The following DLGAP1 variants were observed in gnomAD, a reference collection of about 807,000 sequenced individuals.
The protein encoded by DLGAP1 is disks large-associated protein 1.
A neutral mutation model predicts 90.8 loss-of-function variants in DLGAP1; 11 were observed. That is an observed-to-expected ratio of 0.12 (90% CI 0.08 to 0.20). The LOEUF is 0.20. Among genes scored for constraint, DLGAP1 ranks in the 10% least tolerant of loss-of-function variants. The probability of loss-of-function intolerance (pLI) is 1.00; values close to 1 mark genes in which losing one functional copy is unlikely to be tolerated. For missense variants in DLGAP1, 1,050 were observed against 1,333.8 expected, an observed-to-expected ratio of 0.79 and a Z score of 3.31; for synonymous variants, 558 against 540.7, an observed-to-expected ratio of 1.03 and a Z score of -0.44.
intron 3 of DLGAP1, chr18:3,894,587 C>CTTGTAGTATAA (rs1216834585): frequency 6.6e-6 from 1 of 152,008 alleles, no homozygotes; most frequent in African/African-American, 2.4e-5. Context: ...TTACTATAGC[C>CTTGTAGTATAA]TTGTAGTATA....
At chr18:4,405,979 A>G (rs923713269) in intron 1 of DLGAP1, among the ~76,000 whole-genome samples, 4 of 152,248 alleles carry the variant, frequency 2.6e-5, no homozygotes, top group Non-Finnish European at 5.9e-5. Context: ...GCTCAGCTCA[A>G]GAGCCCTGGT....
chr18:3,995,696 G>A (rs2074055037), intron 3 of DLGAP1: 1 of 150,248 alleles, frequency 6.7e-6, no homozygotes. Context: ...GCCCCCTAGT[G>A]TTCTCTCGCT....
intron 2 of DLGAP1, among the ~76,000 whole-genome samples, chr18:4,029,822 C>T (rs1160632825): frequency 6.6e-6 from 1 of 152,122 alleles, no homozygotes; most frequent in Non-Finnish European, 1.5e-5. Flanking sequence ...TCATTTATCA[C>T]CTTCTCAGTA....
At chr18:4,268,763 T>C (rs2145332425) in intron 1 of DLGAP1, among the ~76,000 whole-genome samples, 1 of 152,296 alleles carries the variant, frequency 6.6e-6, no homozygotes, top group South Asian at 2.1e-4. Context: ...ACTTCAAAGA[T>C]AATAGATTTC....
intron 1 of DLGAP1, among the ~76,000 whole-genome samples, chr18:4,192,646 C>G (rs2077423036): frequency 6.6e-6 from 1 of 152,130 alleles, no homozygotes; most frequent in Non-Finnish European, 1.5e-5. Context: ...GAGGGATTAA[C>G]ATTAAAGTCA....
chr18:4,188,197 ACT>A (rs1255818633), intron 1 of DLGAP1, among the ~76,000 whole-genome samples: 2 of 150,984 alleles, frequency 1.3e-5, no homozygotes, highest in African/African-American at 4.9e-5. Flanking sequence ...TCATCTTAAA[ACT>A]CTGTCATTAC....
At chr18:3,945,685 T>C (rs1410276169) in intron 3 of DLGAP1, among the ~76,000 whole-genome samples, 1 of 152,164 alleles carries the variant, frequency 6.6e-6, no homozygotes, top group Non-Finnish European at 1.5e-5. Context: ...TAATGCTAGA[T>C]GATGAGTTAG....
chr18:3,651,467 T>C (rs1411298346), intron 7 of DLGAP1, among the ~76,000 whole-genome samples: 1 of 152,104 alleles, frequency 6.6e-6, no homozygotes, highest in African/African-American at 2.4e-5. Context: ...CAGTCTACCT[T>C]GACACGCTGA....
chr18:3,786,797 C>T (rs2065469232), intron 5 of DLGAP1, among the ~76,000 whole-genome samples: 1 of 152,140 alleles, frequency 6.6e-6, no homozygotes, highest in East Asian at 1.9e-4. Flanking sequence ...CAAGACATTT[C>T]AGCTCAATAA....
intron 1 of DLGAP1, among the ~76,000 whole-genome samples, chr18:4,343,376 G>C (rs1400388145): frequency 3.3e-5 from 5 of 151,884 alleles, no homozygotes; most frequent in African/African-American, 1.2e-4. Flanking sequence ...AGATAAGCCT[G>C]AGTACAAATC....
chr18:4,319,342 T>C (rs937028800), intron 1 of DLGAP1, among the ~76,000 whole-genome samples: 2 of 152,214 alleles, frequency 1.3e-5, no homozygotes, highest in African/African-American at 4.8e-5. Flanking sequence ...CCTAAATTAT[T>C]TTCTTCTGTA....
chr18:4,003,637 A>T (rs192581160), intron 3 of DLGAP1, among the ~76,000 whole-genome samples: 648 of 152,218 alleles, frequency 4.3e-3, no homozygotes, highest in Non-Finnish European at 6.9e-3. Context: ...ATCAAAGAAA[A>T]ACTGATGACA....
rs925269382 is a variant in DLGAP1, at chr18:4,455,252, T to A, written c.-513A>T. The A allele has an allele frequency of 3.3e-5, 5 of 152,252 alleles. No homozygotes were observed. Among genetic ancestry groups the A allele is most frequent in the African/African-American group, 1.2e-4 (5 of 41,354 alleles). 9.4% of individuals were successfully genotyped at this position (152,252 alleles called of 1,614,324 possible). On this transcript the variant is annotated 5_prime_UTR_variant, in exon 1 of 13. Transcript: ENST00000315677. Reference sequence around the variant, plus strand: ...CGGCGCCCGAAGCGCAGCGCTCGCCTCTGGAGCGGAGGCTGAGCGCCGGGA... The same window carrying A: ...CGGCGCCCGAAGCGCAGCGCTCGCCACTGGAGCGGAGGCTGAGCGCCGGGA...
chr18:3,599,176 A>C (rs2145687855), intron 7 of DLGAP1, among the ~76,000 whole-genome samples: 1 of 152,338 alleles, frequency 6.6e-6, no homozygotes, highest in Middle Eastern at 3.4e-3. Context: ...TCAGTACTAA[A>C]ATCTATACCA....
chr18:4,346,303 G>A (rs2081301693), intron 1 of DLGAP1, among the ~76,000 whole-genome samples: 3 of 152,012 alleles, frequency 2.0e-5, no homozygotes, highest in Admixed American at 2.0e-4. Flanking sequence ...TGGAATTCAT[G>A]TCAAAATTTG....
intron 2 of DLGAP1, among the ~76,000 whole-genome samples, chr18:4,118,548 G>GTCAC (rs1335958136): frequency 1.3e-5 from 2 of 152,160 alleles, no homozygotes; most frequent in African/African-American, 4.8e-5. Flanking sequence ...GGGCCTCTTA[G>GTCAC]TCACCCCCGC....
In DLGAP1 at chr18:4,157,353, G is replaced by A. The variant is rs550014016; in HGVS notation, c.-266-6066C>T. Among the ~76,000 whole-genome samples the A allele has an allele frequency of 2.6e-5, 4 of 152,272 alleles. No homozygotes were observed. The South Asian group carries it at 6.2e-4, about 24-fold the overall frequency. ...TCTATGTGCTTCACTCCAGTGGATC[G>A]TAGAAATAAATTCCAGAATGAGGTC... On this transcript the variant is annotated intron_variant, in intron 1 of 12. Coordinates refer to ENST00000315677, the MANE Select transcript of DLGAP1 (RefSeq NM_004746.4).
At chr18:3,582,407 A>T (rs1568238886) in intron 7 of DLGAP1, among the ~76,000 whole-genome samples, 159 bp from the exon 8 acceptor site, 6 of 152,118 alleles carry the variant, frequency 3.9e-5, no homozygotes, top group Admixed American at 3.3e-4. Context: ...TGCTCTCCGG[A>T]GGTGGTTTGG....
chr18:3,526,635 GAC>G lies in DLGAP1; in HGVS notation c.2479+7557_2479+7558del, dbSNP rs886223035. ...TGTTGTCTACAATTCAGAAGGCAAA[GAC>G]AGATTTAGAAGTACAATCACCGGTA... On this transcript the variant is annotated intron_variant, in intron 10 of 12. Coordinates refer to ENST00000315677, the MANE Select transcript of DLGAP1 (RefSeq NM_004746.4). This position sits in a 1 kb window ranked among gnomAD's most constrained non-coding sequence, Gnocchi z 4.7. Among the ~76,000 whole-genome samples the G allele has an allele frequency of 3.3e-5, 5 of 152,248 alleles. No homozygotes were observed. Among genetic ancestry groups the G allele is most frequent in the African/African-American group, 9.6e-5 (4 of 41,466 alleles).
Sources: allele counts gnomAD v4.1 joint callset (sites outside exome capture counted in the v4.1 genomes callset), GRCh38; gene constraint gnomAD v4.1.1; non-coding constraint Gnocchi (gnomAD v3.1); transcripts MANE v1.5; gene names NCBI Gene and HGNC (gene_info 2026-07-23, HGNC 2026-07-21).